Variants in TSPAN12 observed in about 807,000 individuals in gnomAD.
TSPAN12 encodes the protein tetraspanin 12.
Under a neutral mutation model 39.2 loss-of-function variants are expected in TSPAN12, and 19 were observed. That is an observed-to-expected ratio of 0.49 (90% CI 0.34 to 0.71). TSPAN12 has a LOEUF of 0.71. Among genes scored for constraint, TSPAN12 ranks in the 30% least tolerant of loss-of-function variants. The pLI is 0.01. For missense variants in TSPAN12, 314 were observed against 359.9 expected, an observed-to-expected ratio of 0.87 and a Z score of 1.03; for synonymous variants, 119 against 124.8, an observed-to-expected ratio of 0.95 and a Z score of 0.31.
At chr7:120,789,345 C>T (rs539314831) in intron 7 of TSPAN12, among the ~76,000 whole-genome samples, 176 of 152,296 alleles carry the variant, frequency 1.2e-3, no homozygotes, top group Admixed American at 2.7e-3. Flanking sequence ...TTCAGTGAAA[C>T]TTCAAACACA....
chr7:120,844,631 C>T (rs1794638266), intron 2 of TSPAN12, among the ~76,000 whole-genome samples: 1 of 152,234 alleles, frequency 6.6e-6, no homozygotes, highest in Admixed American at 6.5e-5. Flanking sequence ...CCTTTAACGC[C>T]ATGTCTCACA....
chr7:120,801,779 G>A (rs75716464), intron 7 of TSPAN12, among the ~76,000 whole-genome samples: 1 of 152,044 alleles, frequency 6.6e-6, no homozygotes, highest in South Asian at 2.1e-4. Flanking sequence ...CTTATGCTAA[G>A]TTTCCTATCT....
intron 4 of TSPAN12, among the ~76,000 whole-genome samples, chr7:120,835,975 C>A (rs1313861782): frequency 1.3e-5 from 2 of 152,140 alleles, no homozygotes; most frequent in Admixed American, 1.3e-4. Flanking sequence ...CAGATCAAGT[C>A]TCCATTGTAG....
At chr7:120,839,929 T>A in intron 3 of TSPAN12, 98 bp downstream of exon 3, 1 of 1,025,128 alleles carries the variant, frequency 9.8e-7, no homozygotes. Flanking sequence ...GAAAAACTTT[T>A]CCAAAAGATC....
intron 7 of TSPAN12, among the ~76,000 whole-genome samples, chr7:120,798,749 T>G (rs968631535): frequency 6.6e-6 from 1 of 152,166 alleles, no homozygotes; most frequent in Non-Finnish European, 1.5e-5. Context: ...TCTCACACCC[T>G]GTGCTCCAGC....
intron 5 of TSPAN12, among the ~76,000 whole-genome samples, chr7:120,813,025 C>A (rs1018059146): frequency 1.3e-5 from 2 of 151,978 alleles, no homozygotes; most frequent in Non-Finnish European, 2.9e-5. Context: ...CAATCTGAGA[C>A]CAAATGTGGA....
At chr7:120,807,799 A>G (rs184251880) in intron 6 of TSPAN12, among the ~76,000 whole-genome samples, 73 of 152,250 alleles carry the variant, frequency 4.8e-4, no homozygotes, top group African/African-American at 1.6e-3. Flanking sequence ...AAATCATCTT[A>G]AGAGTATTAT....
intron 2 of TSPAN12, among the ~76,000 whole-genome samples, chr7:120,854,231 G>A (rs1794826281): frequency 6.6e-6 from 1 of 152,094 alleles, no homozygotes. Context: ...TATTTCTAGG[G>A]AACAGATACC....
At chr7:120,825,881 TC>T (rs1794275793) in intron 4 of TSPAN12, among the ~76,000 whole-genome samples, 1 of 152,164 alleles carries the variant, frequency 6.6e-6, no homozygotes, top group Non-Finnish European at 1.5e-5. Flanking sequence ...GGTCAATCAT[TC>T]ACCACGTCAA....
rs184103396 is a variant in TSPAN12, at chr7:120,811,077, C to T, written c.361-507G>A. Reference sequence around the variant, plus strand: ...TGGGATAATTTTATCAACACTTTTTCAAAAGTTGTAATTAAGAGGTATGTT... The same window carrying T: ...TGGGATAATTTTATCAACACTTTTTTAAAAGTTGTAATTAAGAGGTATGTT... On this transcript the variant is annotated intron_variant, in intron 5 of 7. Coordinates refer to ENST00000222747, the MANE Select transcript of TSPAN12 (RefSeq NM_012338.4). Among the ~76,000 whole-genome samples, 26 of 152,280 alleles carry T rather than the reference C, an allele frequency of 1.7e-4. No individual in the cohort carries two copies. In the East Asian group the frequency reaches 4.6e-3, roughly 27 times the overall value.
intron 2 of TSPAN12, among the ~76,000 whole-genome samples, chr7:120,847,261 T>C (rs1160557876): frequency 6.8e-6 from 1 of 147,726 alleles, no homozygotes; most frequent in African/African-American, 2.5e-5. Context: ...AAAACCAGAG[T>C]GAGACTCTCA....
intron 4 of TSPAN12, among the ~76,000 whole-genome samples, chr7:120,834,594 T>C (rs1382079610): frequency 2.0e-5 from 3 of 152,128 alleles, no homozygotes; most frequent in African/African-American, 7.2e-5. Flanking sequence ...TTTTTATATA[T>C]ATATAATCAT....
chr7:120,788,763 A>G lies in TSPAN12; in HGVS notation c.747T>C (p.Tyr249=). The change falls in exon 8 of 8, where the codon TAT becomes TAC. Residue 249 remains tyrosine (Y), a synonymous_variant. Transcript: ENST00000222747. ...ILTITLLWAL[Y]YDRREPGTDQ... is the part of the protein sequence containing the mutation. ...CTGTCCCCGGCTCCCTTCTATCATA[A>G]TACAGAGCCCAGAGCAGAGTAATGG... 6.2e-7 allele frequency: 1 copy of G among 1,614,128 alleles called. No homozygotes were observed. Among genetic ancestry groups the G allele is most frequent in the Non-Finnish European group, 8.5e-7 (1 of 1,180,018 alleles).
At chr7:120,850,372 G>A (rs954240448) in intron 2 of TSPAN12, among the ~76,000 whole-genome samples, 4 of 152,150 alleles carry the variant, frequency 2.6e-5, no homozygotes, top group Admixed American at 1.3e-4. Flanking sequence ...TGTCCTAGTT[G>A]CCATGATAAA....
intron 7 of TSPAN12, among the ~76,000 whole-genome samples, chr7:120,795,817 T>A (rs1164987494): frequency 1.3e-5 from 2 of 152,164 alleles, no homozygotes; most frequent in Non-Finnish European, 2.9e-5. Flanking sequence ...TGCAGGGAAA[T>A]AATGCTTCCT....
chr7:120,798,218 G>C (rs976074765), intron 7 of TSPAN12, among the ~76,000 whole-genome samples: 4 of 152,114 alleles, frequency 2.6e-5, no homozygotes, highest in Admixed American at 2.0e-4. Flanking sequence ...GTCCTGATTC[G>C]ATCAAGCAAA....
intron 2 of TSPAN12, among the ~76,000 whole-genome samples, chr7:120,843,401 G>A (rs1794614358): frequency 6.6e-6 from 1 of 152,114 alleles, no homozygotes; most frequent in South Asian, 2.1e-4. Context: ...TCCCAGGGGT[G>A]CACTTTTCAA....
At chr7:120,857,080 T>C (rs1474395197) in intron 1 of TSPAN12, 12 of 444,650 alleles carry the variant, frequency 2.7e-5, no homozygotes, top group Non-Finnish European at 4.6e-5. Context: ...ATGAATGAAG[T>C]CGCACAGTAA....
rs1189702293 is a variant in TSPAN12, at chr7:120,788,604, C to T, written c.906G>A (p.Met302Ile). Residue 302 changes from methionine (M) to isoleucine (I), a missense_variant, in exon 8 of 8, where the codon ATG becomes ATA. Met to Ile is a conservative substitution (Grantham distance 10). Transcript: ENST00000222747. ...GTGACATTTCTTTTTATAACTCCTCCATCTCAAAGTGTGTATTAAAGCTGT... is the reference window on the plus strand; with the variant it reads ...GTGACATTTCTTTTTATAACTCCTCTATCTCAAAGTGTGTATTAAAGCTGT... ...MANSFNTHFEMEEL is the reference protein window; with the variant it reads ...MANSFNTHFEIEEL The T allele has an allele frequency of 1.2e-6, 2 of 1,613,930 alleles. No homozygotes were observed. Among genetic ancestry groups the T allele is most frequent in the Non-Finnish European group, 1.7e-6 (2 of 1,179,988 alleles).
Sources: allele counts gnomAD v4.1 joint callset (sites outside exome capture counted in the v4.1 genomes callset), GRCh38; gene constraint gnomAD v4.1.1; transcripts MANE v1.5; gene names NCBI Gene and HGNC (gene_info 2026-07-23, HGNC 2026-07-21).